Variants in ODAD3 observed in about 807,000 individuals in gnomAD.
ODAD3 encodes outer dynein arm-docking complex subunit 3.
In ODAD3, 57 loss-of-function variants were observed where a neutral mutation model predicts 70.9. That is an observed-to-expected ratio of 0.80 (90% CI 0.65 to 1.00). The LOEUF is 1.00. ODAD3 is among the 50% of genes least tolerant of loss of function. ODAD3 has a pLI of 0.00. For missense variants in ODAD3, 797 were observed against 763.9 expected, an observed-to-expected ratio of 1.04 and a Z score of -0.51; for synonymous variants, 327 against 315.9, an observed-to-expected ratio of 1.04 and a Z score of -0.37.
chr19:11,428,734 G>A (rs995226038), intron 3 of ODAD3, among the ~76,000 whole-genome samples: 1 of 151,466 alleles, frequency 6.6e-6, no homozygotes, highest in African/African-American at 2.4e-5. Flanking sequence ...ATTTGTTGTA[G>A]AGTCAAAGTT....
At chr19:11,434,571 G>T in intron 1 of ODAD3, 8 of 450,178 alleles carry the variant, frequency 1.8e-5, no homozygotes, top group Non-Finnish European at 2.7e-5. Context: ...TAAATTACAA[G>T]AAAGTATGAA....
At chr19:11,435,549 G>A (rs562271447), upstream of ODAD3, 5 of 598,246 alleles carry the variant, frequency 8.4e-6, no homozygotes, top group East Asian at 3.3e-4. Context: ...CCCCACTCCT[G>A]CCTCTCCCAA....
chr19:11,425,569 A>G (rs1329035475), intron 7 of ODAD3, among the ~76,000 whole-genome samples: 1 of 132,246 alleles, frequency 7.6e-6, no homozygotes, highest in Non-Finnish European at 1.5e-5. Context: ...ATATGTGTGT[A>G]TGTATGTATA....
At chr19:11,430,635 GA>G (rs1969482010) in intron 3 of ODAD3, 63 bp downstream of exon 3, 1 of 1,477,224 alleles carries the variant, frequency 6.8e-7, no homozygotes, top group African/African-American at 1.4e-5. Context: ...GGTGAGCCTG[GA>G]GTCCAGTGGT....
At chr19:11,423,835 T>TG (rs57892201) in intron 8 of ODAD3, 42 bp downstream of exon 8, 83,298 of 946,742 alleles carry the variant, frequency 0.088, 621 homozygotes, top group East Asian at 0.17. Flanking sequence ...CCGTCTGGGG[T>TG]GGGGGGGGGG....
intron 8 of ODAD3, among the ~76,000 whole-genome samples, 189 bp downstream of exon 8, chr19:11,423,687 CA>C (rs1036565108): frequency 2.6e-5 from 4 of 151,904 alleles, no homozygotes; most frequent in African/African-American, 9.7e-5. Context: ...CTGCGAAGGG[CA>C]GCAGAAAAAC....
At position 11,425,355 on chromosome 19, in the gene ODAD3, ATATGTACATATGTGTATATATGTGTG is replaced by A. The variant is rs1449825323; in HGVS notation, c.963+763_963+788del. Among the ~76,000 whole-genome samples the A allele has an allele frequency of 6.9e-5, 9 of 131,210 alleles. No homozygotes were observed. The East Asian group carries it at 8.8e-4, about 13-fold the overall frequency. 86.1% of individuals were successfully genotyped at this position (131,210 alleles called of 152,430 possible). On this transcript the variant is annotated intron_variant, in intron 7 of 12. Transcript: ENST00000356392. Reference sequence around the variant, plus strand: ...TATGTGTATATATGTATATATGTGTATATGTACATATGTGTATATATGTGTGTATGTACATATGTGTATATGTATAT... The same window carrying A: ...TATGTGTATATATGTATATATGTGTATATGTACATATGTGTATATGTATAT...
chr19:11,435,105 AG>A lies in ODAD3; in HGVS notation c.-90del. 6.7e-7 allele frequency: 1 copy of A among 1,501,128 alleles called. No homozygotes were observed. Among genetic ancestry groups the A allele is most frequent in the Non-Finnish European group, 8.8e-7 (1 of 1,132,746 alleles). The allele number at this position is 1,501,128 out of a possible 1,614,324, so 93.0% of individuals were successfully genotyped here. On this transcript the variant is annotated 5_prime_UTR_variant, in exon 1 of 13. Transcript: ENST00000356392. ...CAGGGATCCGTCAGCTCGGATTCCT[AG>A]GGCTCTGAAAAATGCACTTTCCGAC... is the stretch of plus-strand genomic sequence containing the variant.
upstream of ODAD3, chr19:11,435,646 A>G (rs756231138): frequency 7.9e-7 from 1 of 1,268,890 alleles, no homozygotes; most frequent in Non-Finnish European, 1.0e-6. Context: ...TTTCTGCAGC[A>G]GGAACCGCGG....
chr19:11,435,685 CT>C (rs1568357976), upstream of ODAD3: 1 of 1,307,602 alleles, frequency 7.6e-7, no homozygotes, highest in Admixed American at 2.3e-5. Context: ...GCGGTGGATA[CT>C]GACCTTTGCT....
chr19:11,425,404 T>C (rs1250758010), intron 7 of ODAD3, among the ~76,000 whole-genome samples: 9 of 124,830 alleles, frequency 7.2e-5, no homozygotes, highest in East Asian at 5.2e-4. Flanking sequence ...TGTATATGTA[T>C]ATATACATAT....
In ODAD3 at chr19:11,422,841, C is replaced by T. The variant is rs1370747427; in HGVS notation, c.1137G>A (p.Leu379=). 3 of 1,601,804 alleles carry T rather than the reference C, an allele frequency of 1.9e-6. No homozygotes were observed. ...ACTGCGCGAAGGTGTCGCCCTGGGC[C>T]AGGAACCGCCGCACCAACGACTGCG... ...DETHSLVRRF[L]AQGDTFAQLE... Residue 379 remains leucine (L), a synonymous_variant, in exon 9 of 13, where the codon CTG becomes CTA. Transcript: ENST00000356392. This position sits in a 1 kb window ranked among gnomAD's most constrained non-coding sequence, Gnocchi z 4.6.
At position 11,426,867 on chromosome 19, in the gene ODAD3, C is replaced by T. The variant is rs1402918362; in HGVS notation, c.612+6G>A. Reference sequence around the variant, plus strand: ...CCTCTGCCCTGCAGGCCTCACCCGCCCCTACCTTGGCCACCTCCGTGTGTC... The same window carrying T: ...CCTCTGCCCTGCAGGCCTCACCCGCTCCTACCTTGGCCACCTCCGTGTGTC... On this transcript the variant is annotated splice_donor_region_variant and intron_variant, in intron 4 of 12. Transcript: ENST00000356392. The T allele has an allele frequency of 1.2e-6, 2 of 1,610,172 alleles. No individual in the cohort carries two copies. Among genetic ancestry groups the T allele is most frequent in the Non-Finnish European group, 1.7e-6 (2 of 1,177,710 alleles).
Position 11,421,141 on chromosome 19 carries a change from C to T in ODAD3, c.1662G>A (p.Lys554=), listed in dbSNP as rs1969123621. The change falls in exon 12 of 13, where the codon AAG becomes AAA. Residue 554 remains lysine, a synonymous_variant. Transcript: ENST00000356392. ...ACCCATACTGACCAAAAAACTTGTC[C>T]TTGGAAGTGGCAAGGGGCAGGGCGA... is the stretch of plus-strand genomic sequence containing the variant. ...TRIALPLATS[K]DKFFDEESEE... is the part of the protein sequence containing the mutation. 6.2e-7 allele frequency: 1 copy of T among 1,613,774 alleles called. No individual in the cohort carries two copies. Among genetic ancestry groups the T allele is most frequent in the Non-Finnish European group, 8.5e-7 (1 of 1,179,926 alleles).
intron 1 of ODAD3, among the ~76,000 whole-genome samples, chr19:11,431,438 G>C (rs1969502019): frequency 6.6e-6 from 1 of 151,760 alleles, no homozygotes; most frequent in African/African-American, 2.4e-5. Context: ...TAAGAATGCA[G>C]TCGTTGACCA....
Position 11,425,222 on chromosome 19 carries a change from T to C in ODAD3, c.963+922A>G, listed in dbSNP as rs970850611. On this transcript the variant is annotated intron_variant, in intron 7 of 12. Coordinates refer to ENST00000356392, the MANE Select transcript of ODAD3 (RefSeq NM_145045.5). ...GTGTATGTGTACATATGTGTATATA[T>C]GTGTGTATATGTACATATGTGTATA... is the stretch of plus-strand genomic sequence containing the variant. 1.3e-3 allele frequency among the ~76,000 whole-genome samples: 161 copies of C among 127,540 alleles called. 3 individuals carry two copies. The highest frequency in any genetic ancestry group is 2.7e-3 in the Admixed American group (37 of 13,668). 83.7% of individuals were successfully genotyped at this position (127,540 alleles called of 152,430 possible).
At chr19:11,425,157 A>ATGTGTATATGTACATATGTATATG (rs757227442) in intron 7 of ODAD3, among the ~76,000 whole-genome samples, 1 of 122,298 alleles carries the variant, frequency 8.2e-6, no homozygotes, top group Non-Finnish European at 1.6e-5. Flanking sequence ...ATATGTATAT[A>ATGTGTATATGTACATATGTATATG]TACATATGTG....
In ODAD3 at chr19:11,427,003, A is replaced by T; in HGVS notation, c.482T>A (p.Val161Glu). Reference protein sequence around the residue: ...EHLDHRLREKVKQQNALRHQV... With the variant: ...EHLDHRLREKEKQQNALRHQV... Reference sequence around the variant, plus strand: ...GTGCCGCAGGGCGTTCTGCTGCTTCACCTTCTCCCTCAGCCGGTGGTCTAG... The same window carrying T: ...GTGCCGCAGGGCGTTCTGCTGCTTCTCCTTCTCCCTCAGCCGGTGGTCTAG... The change falls in exon 4 of 13, where the codon GTG becomes GAG. Residue 161 changes from valine to glutamate, a missense_variant. Coordinates refer to ENST00000356392, the MANE Select transcript of ODAD3 (RefSeq NM_145045.5). The T allele has an allele frequency of 6.2e-7, 1 of 1,601,970 alleles. No individual in the cohort carries two copies. Among genetic ancestry groups the T allele is most frequent in the South Asian group, 1.1e-5 (1 of 90,724 alleles).
At chr19:11,423,758 A>G in intron 8 of ODAD3, 119 bp downstream of exon 8, 1 of 1,057,024 alleles carries the variant, frequency 9.5e-7, no homozygotes, top group East Asian at 2.7e-5. Context: ...TTGTGAGCTG[A>G]ATAACCGACC....
Sources: gnomAD v4.1 joint callset for allele counts (sites outside exome capture counted in the v4.1 genomes callset) on GRCh38, gnomAD v4.1.1 for gene constraint, Gnocchi (gnomAD v3.1) non-coding constraint, MANE v1.5 for transcripts, NCBI Gene and HGNC (gene_info 2026-07-23, HGNC 2026-07-21) for gene names.